Variants in INTS1 observed in about 807,000 individuals in gnomAD.
The protein encoded by INTS1 is integrator complex subunit 1.
Under a neutral mutation model 241.6 loss-of-function variants are expected in INTS1, and 137 were observed. The observed-to-expected ratio is 0.57, with a 90% CI of 0.49 to 0.65. INTS1 has a LOEUF of 0.65. INTS1 is among the 30% of genes least tolerant of loss of function. The pLI, the probability that INTS1 is intolerant of heterozygous loss-of-function variation, is 0.00. For missense variants in INTS1, 3,073 were observed against 3,032.2 expected (o/e 1.01, Z -0.32); for synonymous variants, 1,692 against 1,337.8 (o/e 1.26, Z -5.78).
Position 1,477,923 on chromosome 7 carries a change from C to T in INTS1, c.4644G>A (p.Leu1548=), listed in dbSNP as rs181565114. Residue 1548 remains leucine, a synonymous_variant, in exon 34 of 48, where the codon CTG becomes CTA. Coordinates refer to ENST00000404767, the MANE Select transcript of INTS1 (RefSeq NM_001080453.3). The part of the protein sequence containing the change: ...PDLISKVLQG[L]IEVRSPHLEE... ...CCAGGTGGGGGGACCTCACCTCGAT[C>T]AGCCCCTGGAGGACTGCGCAAGGGA... is the stretch of plus-strand genomic sequence containing the variant. The T allele has an allele frequency of 4.7e-4, 764 of 1,612,542 alleles. 6 individuals are homozygous for T. The East Asian group carries it at 0.016, about 34-fold the overall frequency.
rs776815810 is a variant in INTS1 at position 1,474,365 on chromosome 7, G to C, written c.5637-5C>G. 1.3e-6 allele frequency: 2 copies of C among 1,584,006 alleles called. No homozygotes were observed. The highest frequency in any genetic ancestry group is 1.7e-5 in the Admixed American group (1 of 58,718). Reference sequence around the variant, plus strand: ...GCCGCGATCATGGGCAGGTGCCTGCGGGCGCGGTGAGGGCCCAGTCAGCCC... The same window carrying C: ...GCCGCGATCATGGGCAGGTGCCTGCCGGCGCGGTGAGGGCCCAGTCAGCCC... On this transcript the variant is annotated splice_polypyrimidine_tract_variant and splice_region_variant and intron_variant, in intron 40 of 47. Coordinates refer to ENST00000404767, the MANE Select transcript of INTS1 (RefSeq NM_001080453.3).
rs562665065 is a variant in INTS1 at position 1,499,041 on chromosome 7, G to A, written c.1071C>T (p.Thr357=). 1.3e-6 allele frequency: 2 copies of A among 1,585,584 alleles called. No homozygotes were observed. Among genetic ancestry groups the A allele is most frequent in the East Asian group, 4.6e-5 (2 of 43,420 alleles). ...SRNLLRLLTS[T]CGYKEVRLLA... is the part of the protein sequence containing the mutation. ...GCAGCCGCACCTCCTTATAGCCGCA[G>A]GTGGAGGTGAGGAGCCGCAGGAGGT... The change falls in exon 8 of 48, where the codon ACC becomes ACT. Residue 357 remains threonine, a synonymous_variant. Coordinates refer to ENST00000404767, the MANE Select transcript of INTS1 (RefSeq NM_001080453.3).
chr7:1,498,720 T>C lies in INTS1; in HGVS notation c.1270A>G (p.Met424Val), dbSNP rs755000347. The C allele has an allele frequency of 3.3e-6, 5 of 1,517,308 alleles. No homozygotes were observed. Among genetic ancestry groups the C allele is most frequent in the South Asian group, 2.4e-5 (2 of 83,772 alleles). The allele number at this position is 1,517,308 out of a possible 1,614,324, so 94.0% of individuals were successfully genotyped here. A position where few individuals can be genotyped will look rare whatever the true frequency, so the allele number is the denominator to read the frequency against. ...CTCGCCACGCACCTGATGCACAGCA[T>C]GAAGTGGTTGAGGAGGACCTTGGGC... Reference protein sequence around the residue: ...LKPKVLLNHFMLCIRELLSAH... With the variant: ...LKPKVLLNHFVLCIRELLSAH... The change falls in exon 9 of 48, where the codon ATG (methionine) becomes GTG (valine). Residue 424 changes from methionine (M) to valine (V), a missense_variant. Transcript: ENST00000404767.
At chr7:1,478,252 C>T (rs375870237) in intron 33 of INTS1, 114 bp downstream of exon 33, 49 of 1,231,598 alleles carry the variant, frequency 4.0e-5, no homozygotes, top group African/African-American at 3.9e-4. Context: ...GGGCACTTTC[C>T]GGGGACAGTG....
At chr7:1,473,320 C>CG in intron 42 of INTS1, 136 bp from the exon 43 acceptor site, 5 of 416,130 alleles carry the variant, frequency 1.2e-5, no homozygotes, top group Admixed American at 3.1e-5. Flanking sequence ...GAGGGAGGGC[C>CG]GGGCGGGGAA....
intron 22 of INTS1, among the ~76,000 whole-genome samples, chr7:1,485,757 C>T (rs761607235): frequency 7.9e-5 from 12 of 152,242 alleles, no homozygotes; most frequent in East Asian, 1.9e-4. Context: ...ATCCTTCCTA[C>T]GCAGGGAAGG....
chr7:1,499,452 C>G, intron 6 of INTS1, 21 bp downstream of exon 6: 1 of 1,575,140 alleles, frequency 6.3e-7, no homozygotes, highest in Non-Finnish European at 8.6e-7. Flanking sequence ...CCCGCCCTCT[C>G]TGGCTGGCCG....
chr7:1,472,498 G>C, intron 43 of INTS1, 112 bp from the exon 44 acceptor site: 1 of 707,150 alleles, frequency 1.4e-6, no homozygotes. Flanking sequence ...GGCTCCCAAG[G>C]TGCCTGCACA....
At chr7:1,479,266 TG>T (rs1472387903) in intron 31 of INTS1, among the ~76,000 whole-genome samples, 163 bp downstream of exon 31, 1 of 152,198 alleles carries the variant, frequency 6.6e-6, no homozygotes, top group African/African-American at 2.4e-5. Context: ...GAATGTTCAC[TG>T]GAAAAAGGGG....
Position 1,495,523 on chromosome 7 carries a change from T to A in INTS1, c.1742A>T (p.Gln581Leu). The change falls in exon 13 of 48, where the codon CAG (glutamine) becomes CTG (leucine). Residue 581 changes from glutamine to leucine, a missense_variant. By Grantham distance (113) the Gln-to-Leu change is moderately radical. Transcript: ENST00000404767. ...NLEVLRSFQN[Q>L]IAAIQRDAVW... is the part of the protein sequence containing the mutation. ...GGCATCCCGCTGGATGGCGGCAATC[T>A]GGTTCTGGAATGAGCGGAGCACTTC... The A allele has an allele frequency of 6.2e-7, 1 of 1,612,336 alleles. No individual in the cohort carries two copies. Among genetic ancestry groups the A allele is most frequent in the Non-Finnish European group, 8.5e-7 (1 of 1,179,638 alleles).
In INTS1 at chr7:1,487,398, G is replaced by A; in HGVS notation, c.2568C>T (p.Leu856=). 6.2e-7 allele frequency: 1 copy of A among 1,612,148 alleles called. No individual in the cohort carries two copies. The highest frequency in any genetic ancestry group is 8.5e-7 in the Non-Finnish European group (1 of 1,179,504). The change falls in exon 20 of 48, where the codon CTC becomes CTT. Residue 856 remains leucine (L), a synonymous_variant. Transcript: ENST00000404767. ...GGTGCCCGAGGCGGAGGGACTGGTT[G>A]AGGCTTTTCACTTGATCCAGGATGT... ...PPHILDQVKS[L]NQSLRLGHLL...
intron 9 of INTS1, 21 bp from the exon 10 acceptor site, chr7:1,498,574 G>A (rs867560672): frequency 6.2e-7 from 1 of 1,612,698 alleles, no homozygotes; most frequent in Non-Finnish European, 8.5e-7. Context: ...TGAGGGTACA[G>A]ACCCTGTCCC....
In INTS1 at chr7:1,474,151, G is replaced by C; in HGVS notation, c.5829+17C>G. The stretch of plus-strand genomic sequence containing the variant: ...GGAGTGGAAGGGAGCGCGAGGGCGG[G>C]CGGCGGGAGCACACACCAGCAGCAG... On this transcript the variant is annotated intron_variant, in intron 41 of 47. Transcript: ENST00000404767. The C allele has an allele frequency of 1.3e-6, 2 of 1,544,982 alleles. No individual in the cohort carries two copies. Among genetic ancestry groups the C allele is most frequent in the Non-Finnish European group, 1.7e-6 (2 of 1,148,670 alleles).
At chr7:1,472,752 G>A (rs1297364096) in intron 43 of INTS1, among the ~76,000 whole-genome samples, 4 of 145,284 alleles carry the variant, frequency 2.8e-5, no homozygotes, top group Admixed American at 7.0e-5. Flanking sequence ...TGCCCAGTAG[G>A]ACCAGGGGAG....
At chr7:1,476,481 C>G (rs369988593) in intron 37 of INTS1, 26 bp from the exon 38 acceptor site, 12 of 1,286,138 alleles carry the variant, frequency 9.3e-6, no homozygotes, top group Non-Finnish European at 1.2e-5. Flanking sequence ...GCATCAGCCC[C>G]GGAGCACCAC....
chr7:1,494,021 GGCT>G, intron 14 of INTS1, 110 bp from the exon 15 acceptor site: 1 of 1,334,262 alleles, frequency 7.5e-7, no homozygotes, highest in Non-Finnish European at 1.0e-6. Context: ...GGTGGCAGAG[GGCT>G]GCTGCTGCCT....
At chr7:1,482,328 CCT>C (rs1782035334) in intron 27 of INTS1, 2 of 438,582 alleles carry the variant, frequency 4.6e-6, no homozygotes, top group Non-Finnish European at 4.0e-6. Flanking sequence ...ACAGTAAGAC[CCT>C]CTCGGACGGG....
In INTS1 at chr7:1,503,201, A is replaced by G. The variant is rs370718349; in HGVS notation, c.59-10T>C. 1 of 1,519,980 alleles carries G rather than the reference A, an allele frequency of 6.6e-7. No homozygotes were observed. Among genetic ancestry groups the G allele is most frequent in the African/African-American group, 1.4e-5 (1 of 71,884 alleles). The allele number at this position is 1,519,980 out of a possible 1,614,324, so 94.2% of individuals were successfully genotyped here. On this transcript the variant is annotated splice_polypyrimidine_tract_variant and intron_variant, in intron 2 of 47. Transcript: ENST00000404767. ...CCTGGGGGAGGGTGCCCTGCAGAGA[A>G]AGGAGAGAGAAAACCGGGCACATTT...
chr7:1,503,875 G>GACCCCCT, intron 2 of INTS1, 28 bp downstream of exon 2: 1 of 1,245,418 alleles, frequency 8.0e-7, no homozygotes, highest in Non-Finnish European at 1.1e-6. Flanking sequence ...AAAGACCCCC[G>GACCCCCT]GGCTGCAGAG....
Sources: gnomAD v4.1 joint callset for allele counts (sites outside exome capture counted in the v4.1 genomes callset) on GRCh38, gnomAD v4.1.1 for gene constraint, MANE v1.5 for transcripts, NCBI Gene and HGNC (gene_info 2026-07-23, HGNC 2026-07-21) for gene names.